The following MUC22 variants were observed in gnomAD, a reference collection of about 807,000 sequenced individuals.
MUC22 encodes the protein mucin-22.
Under a neutral mutation model 40.3 loss-of-function variants are expected in MUC22, and 24 were observed. The observed-to-expected ratio is 0.60, with a 90% confidence interval of 0.43 to 0.84. MUC22 has a LOEUF of 0.84. MUC22 is among the 40% of genes least tolerant of loss of function. The pLI is 0.00. For synonymous variants in MUC22, 765 were observed against 844.5 expected (o/e 0.91, Z 1.63); for missense variants, 1,926 against 2,130.7 (o/e 0.90, Z 1.89).
chr6:31,012,049 G>A (rs1336546752), intron 1 of MUC22, among the ~76,000 whole-genome samples: 1 of 152,148 alleles, frequency 6.6e-6, no homozygotes, highest in Non-Finnish European at 1.5e-5. Flanking sequence ...TGACTCCAAT[G>A]GGCTGTCTGA....
At chr6:31,035,025 C>T in exon 4 of MUC22, 1 of 1,359,996 alleles carries the variant, frequency 7.4e-7, no homozygotes, top group South Asian at 1.4e-5. Context: ...GGTATCAAAA[C>T]ATATTATGGG....
intron 1 of MUC22, among the ~76,000 whole-genome samples, chr6:31,017,519 G>C (rs9348847): frequency 0.12 from 18,059 of 150,998 alleles, 1,264 homozygotes; most frequent in East Asian, 0.32. Context: ...GTGGGGACTT[G>C]GAGAATCTTT....
chr6:31,020,441 CTTTTTTTTTT>C (rs3084519), intron 1 of MUC22, among the ~76,000 whole-genome samples: 1 of 126,712 alleles, frequency 7.9e-6, no homozygotes, highest in Non-Finnish European at 1.6e-5. Context: ...TGGAAATTGA[CTTTTTTTTTT>C]TTTTTTTTTG....
rs1395684041 is a variant in MUC22 at position 31,032,661 on chromosome 6, C to T, written c.5055+80C>T. On this transcript the variant is annotated intron_variant, in intron 3 of 3. Coordinates refer to ENST00000561890, the Ensembl canonical transcript of MUC22. This position sits in a 1 kb window ranked among gnomAD's most constrained non-coding sequence, Gnocchi z 4.1. ...CATGTCAGCAGTGCTTTGGAAAAAT[C>T]CAGAATGAGAAAGGGGAGTAAGTTG... 7.0e-7 allele frequency: 1 copy of T among 1,423,136 alleles called. No individual in the cohort carries two copies. The highest frequency in any genetic ancestry group is 9.3e-7 in the Non-Finnish European group (1 of 1,074,228). The allele number at this position is 1,423,136 out of a possible 1,614,324, so 88.2% of individuals were successfully genotyped here.
chr6:31,025,444 T>C (rs1031729579), intron 1 of MUC22, 58 bp from the exon 2 acceptor site: 15 of 1,442,994 alleles, frequency 1.0e-5, no homozygotes, highest in Non-Finnish European at 1.3e-5. Flanking sequence ...AACACTATAC[T>C]AAACCTGCAA....
upstream of MUC22, among the ~76,000 whole-genome samples, chr6:31,007,474 T>C (rs1261045735): frequency 7.2e-5 from 11 of 152,012 alleles, no homozygotes; most frequent in African/African-American, 2.4e-4. The surrounding 1 kb of genome is among the most constrained non-coding windows in gnomAD (Gnocchi z 4.0). Context: ...GAAGGTACCA[T>C]TGAGACTCCT....
At chr6:31,029,213 C>G in exon 2 of MUC22, 3 of 1,348,686 alleles carry the variant, frequency 2.2e-6, no homozygotes, top group Non-Finnish European at 3.0e-6. Flanking sequence ...GTCTCCTCCA[C>G]AGGCTCTGAG....
chr6:31,011,928 T>C lies in MUC22; in HGVS notation c.70+1152T>C, dbSNP rs1763890152. Reference sequence around the variant, plus strand: ...ATCCATGTATAATCCCCTGAGAACTTCCCTGGTAGAAACAAACCGGAGTTC... The same window carrying C: ...ATCCATGTATAATCCCCTGAGAACTCCCCTGGTAGAAACAAACCGGAGTTC... On this transcript the variant is annotated intron_variant, in intron 1 of 3. Coordinates refer to ENST00000561890, the Ensembl canonical transcript of MUC22. The surrounding 1 kb of genome is among the most constrained non-coding windows in gnomAD (Gnocchi z 4.5). Among the ~76,000 whole-genome samples the C allele has an allele frequency of 6.6e-6, 1 of 152,152 alleles. No homozygotes were observed. Among genetic ancestry groups the C allele is most frequent in the South Asian group, 2.1e-4 (1 of 4,818 alleles).
intron 1 of MUC22, among the ~76,000 whole-genome samples, chr6:31,021,594 T>C (rs1764748549): frequency 7.1e-6 from 1 of 141,544 alleles, no homozygotes; most frequent in Non-Finnish European, 1.5e-5. Flanking sequence ...TCAAAGTTTG[T>C]GAGTGCACCA....
rs1188665461 is a variant in MUC22, at chr6:31,019,581, C to T, written c.71-5921C>T. The stretch of plus-strand genomic sequence containing the variant: ...ATAAGAAACTGAACTGGGCCGGGTG[C>T]GGTGGCTCACGCCTGTAATCCTAGC... On this transcript the variant is annotated intron_variant, in intron 1 of 3. Coordinates refer to ENST00000561890, the Ensembl canonical transcript of MUC22. Among the ~76,000 whole-genome samples the T allele has an allele frequency of 9.8e-5, 15 of 152,290 alleles. No individual in the cohort carries two copies. The East Asian group carries it at 1.2e-3, about 12-fold the overall frequency.
rs1765300508 is a variant in MUC22, at chr6:31,026,174, T to A, written c.743T>A (p.Ile248Asn). The A allele has an allele frequency of 3.3e-6, 5 of 1,519,210 alleles. No homozygotes were observed. In the Admixed American group the frequency reaches 6.0e-5, roughly 18 times the overall value. The allele number at this position is 1,519,210 out of a possible 1,614,324, so 94.1% of individuals were successfully genotyped here. A position where few individuals can be genotyped will look rare whatever the true frequency, so the allele number is the denominator to read the frequency against. ...ACCTCAACTGCAGACTCCAAGGTGA[T>A]CACGGCATCCAGCATGAGCTCTGAG... The change falls in exon 2 of 4, where the codon ATC becomes AAC. Residue 248 changes from isoleucine (I) to asparagine (N), a missense_variant. This residue lies in a region of MUC22 where 1,281 missense variants were observed against 1,337.8 expected (regional missense o/e 0.96). Transcript: ENST00000561890.
At chr6:31,026,002 A>G (rs1432673243) in exon 2 of MUC22, 3 of 1,531,754 alleles carry the variant, frequency 2.0e-6, no homozygotes, top group African/African-American at 2.7e-5. Flanking sequence ...AGTCTCTACC[A>G]CAGGCTCTGA....
At chr6:31,010,369 C>T, upstream of MUC22, 1 of 271,402 alleles carries the variant, frequency 3.7e-6, no homozygotes, top group Non-Finnish European at 7.0e-6. Context: ...AACGGCCCTG[C>T]AGAAAGCACA....
exon 2 of MUC22, chr6:31,026,900 C>T: frequency 6.6e-7 from 1 of 1,506,136 alleles, no homozygotes; most frequent in Non-Finnish European, 8.9e-7. Context: ...ACCAAAGTCT[C>T]AACTGCAGGC....
In MUC22 at chr6:31,032,632, G is replaced by T. The variant is rs756874531; in HGVS notation, c.5055+51G>T. ...GGGAGCCTGGCAAGAAGGCAGGGGG[G>T]AATCATGTCAGCAGTGCTTTGGAAA... is the stretch of plus-strand genomic sequence containing the variant. On this transcript the variant is annotated intron_variant, in intron 3 of 3. Coordinates refer to ENST00000561890, the Ensembl canonical transcript of MUC22. This position sits in a 1 kb window ranked among gnomAD's most constrained non-coding sequence, Gnocchi z 4.1. 6.0e-6 allele frequency: 9 copies of T among 1,490,386 alleles called. No homozygotes were observed. The highest frequency in any genetic ancestry group is 8.0e-6 in the Non-Finnish European group (9 of 1,122,244). 92.3% of individuals were successfully genotyped at this position (1,490,386 alleles called of 1,614,324 possible).
At position 31,025,973 on chromosome 6, in the gene MUC22, C is replaced by A. The variant is rs1334033114; in HGVS notation, c.542C>A (p.Thr181Lys). The A allele has an allele frequency of 9.8e-6, 15 of 1,534,236 alleles. No homozygotes were observed. In the East Asian group the frequency reaches 2.7e-4, roughly 27 times the overall value. Reference sequence around the variant, plus strand: ...TCTGAGACCACCATGGCCTCCACCACAGGCTCTGAGACTGCCACAGTCTCT... The same window carrying A: ...TCTGAGACCACCATGGCCTCCACCAAAGGCTCTGAGACTGCCACAGTCTCT... The change falls in exon 2 of 4, where the codon ACA (threonine) becomes AAA (lysine). Residue 181 changes from threonine (T) to lysine (K), a missense_variant. Thr to Lys is a moderately conservative substitution (Grantham distance 78). Around this residue, in one of 3 missense-constraint regions of MUC22, gnomAD observed 1,281 missense variants for 1,337.8 expected, o/e 0.96. Coordinates refer to ENST00000561890, the Ensembl canonical transcript of MUC22.
Position 31,032,336 on chromosome 6 carries a change from G to A in MUC22, c.4810G>A (p.Gly1604Arg), listed in dbSNP as rs1226906681. The A allele has an allele frequency of 1.3e-6, 2 of 1,535,592 alleles. No individual in the cohort carries two copies. Among genetic ancestry groups the A allele is most frequent in the East Asian group, 2.4e-5 (1 of 40,918 alleles). The change falls in exon 3 of 4, where the codon GGA (glycine) becomes AGA (arginine). Residue 1604 changes from glycine (G) to arginine (R), a missense_variant. Around this residue, in one of 3 missense-constraint regions of MUC22, gnomAD observed 610 missense variants for 714.6 expected, o/e 0.85. Coordinates refer to ENST00000561890, the Ensembl canonical transcript of MUC22. The surrounding 1 kb of genome is among the most constrained non-coding windows in gnomAD (Gnocchi z 4.1). The stretch of plus-strand genomic sequence containing the variant: ...CTCTGGCCTGGGTACATCCACTATG[G>A]GAGCATCATCTACCACCTCAGCCCA...
intron 1 of MUC22, among the ~76,000 whole-genome samples, chr6:31,023,119 G>A (rs1324423059): frequency 6.7e-6 from 1 of 149,964 alleles, no homozygotes; most frequent in Non-Finnish European, 1.5e-5. Flanking sequence ...GACAGATCAA[G>A]ACGCTCAAAA....
At chr6:31,017,406 T>C (rs1228274375) in intron 1 of MUC22, among the ~76,000 whole-genome samples, 3 of 150,094 alleles carry the variant, frequency 2.0e-5, no homozygotes, top group Non-Finnish European at 4.4e-5. Context: ...ACTCGGAGAA[T>C]CTTTATGTCT....
Sources: gnomAD v4.1 joint callset for allele counts (sites outside exome capture counted in the v4.1 genomes callset) on GRCh38, gnomAD v4.1.1 for gene constraint, gnomAD v4.1.1 regional missense constraint, Gnocchi (gnomAD v3.1) non-coding constraint, MANE v1.5 for transcripts, NCBI Gene and HGNC (gene_info 2026-07-23, HGNC 2026-07-21) for gene names.